The following PTPRM variants were observed in gnomAD, a reference collection of about 807,000 sequenced individuals.
The protein encoded by PTPRM is receptor-type tyrosine-protein phosphatase mu.
Under a neutral mutation model 186.7 loss-of-function variants are expected in PTPRM, and 47 were observed. The observed-to-expected ratio is 0.25, with a 90% CI of 0.20 to 0.32. The LOEUF (loss-of-function observed/expected upper bound fraction) is 0.32, where lower values mean the gene tolerates loss of function less well. PTPRM is among the 10% of genes least tolerant of loss of function. The pLI is 1.00. For synonymous variants in PTPRM, 668 were observed against 674.9 expected (o/e 0.99, Z 0.16); for missense variants, 1,494 against 1,865.0 (o/e 0.80, Z 3.66).
intron 11 of PTPRM, among the ~76,000 whole-genome samples, chr18:8,089,236 A>G (rs1413586057): frequency 6.6e-6 from 1 of 152,002 alleles, no homozygotes; most frequent in Admixed American, 6.6e-5. Context: ...TTGTGTGTTT[A>G]CTTTGGGTTT....
At chr18:8,273,651 C>A (rs912374346) in intron 19 of PTPRM, among the ~76,000 whole-genome samples, 1 of 152,176 alleles carries the variant, frequency 6.6e-6, no homozygotes, top group African/African-American at 2.4e-5. Context: ...CCAGTAAAAA[C>A]ATATTCTCAG....
intron 2 of PTPRM, among the ~76,000 whole-genome samples, chr18:7,843,737 A>G (rs1049580287): frequency 6.6e-6 from 1 of 152,170 alleles, no homozygotes; most frequent in East Asian, 1.9e-4. Context: ...GCATGGCTCA[A>G]AACAACAATC....
intron 1 of PTPRM, among the ~76,000 whole-genome samples, chr18:7,749,607 C>G (rs1372192684): frequency 6.6e-6 from 1 of 152,122 alleles, no homozygotes; most frequent in Non-Finnish European, 1.5e-5. Context: ...TAATTAGAGT[C>G]TGGCCCCATT....
chr18:7,955,904 T>C (rs1465976516), intron 7 of PTPRM, among the ~76,000 whole-genome samples: 2 of 152,176 alleles, frequency 1.3e-5, no homozygotes, highest in Non-Finnish European at 2.9e-5. Flanking sequence ...TTGGGCCTGT[T>C]TGTATCATAA....
chr18:8,271,510 A>C (rs2147628349), intron 19 of PTPRM, among the ~76,000 whole-genome samples: 1 of 152,140 alleles, frequency 6.6e-6, no homozygotes, highest in Admixed American at 6.5e-5. Flanking sequence ...TAGAATTAAA[A>C]TAATATCTGC....
At chr18:8,023,870 A>ACACACACACG (rs71354588) in intron 7 of PTPRM, among the ~76,000 whole-genome samples, 2,338 of 149,332 alleles carry the variant, frequency 0.016, 27 homozygotes, top group Non-Finnish European at 0.019. Context: ...ACACACACAC[A>ACACACACACG]CGCACACCCC....
chr18:8,366,248 G>A (rs1163805031), intron 23 of PTPRM, among the ~76,000 whole-genome samples: 1 of 152,180 alleles, frequency 6.6e-6, no homozygotes, highest in Non-Finnish European at 1.5e-5. Flanking sequence ...TCCACACTGC[G>A]TGAGAGCCAG....
chr18:7,942,554 G>A (rs1015916426), intron 5 of PTPRM, among the ~76,000 whole-genome samples: 2 of 151,984 alleles, frequency 1.3e-5, no homozygotes, highest in African/African-American at 4.8e-5. Flanking sequence ...GAGGATGGAG[G>A]GAGAAGTCAG....
intron 1 of PTPRM, among the ~76,000 whole-genome samples, chr18:7,649,261 G>C (rs1486504768): frequency 6.6e-6 from 1 of 152,174 alleles, no homozygotes; most frequent in African/African-American, 2.4e-5. Flanking sequence ...AATGCACCTG[G>C]TCACACAAGA....
In PTPRM at chr18:7,869,934, G is replaced by A. The variant is rs528843345; in HGVS notation, c.197-18172G>A. ...CTAAGAGCCCCAGTGTCTTCCCTTA[G>A]GCTAGAGATTGGGCCATATGCAAGT... On this transcript the variant is annotated intron_variant, in intron 2 of 32. Transcript: ENST00000580170. 8.5e-5 allele frequency among the ~76,000 whole-genome samples: 13 copies of A among 152,276 alleles called. No homozygotes were observed. In the South Asian group the frequency reaches 2.5e-3, roughly 29 times the overall value.
intron 7 of PTPRM, among the ~76,000 whole-genome samples, chr18:8,017,316 A>G (rs1336828951): frequency 1.3e-5 from 2 of 152,120 alleles, no homozygotes; most frequent in African/African-American, 4.8e-5. Context: ...AGGCAGGCGG[A>G]TCACAAGGTC....
intron 7 of PTPRM, among the ~76,000 whole-genome samples, chr18:7,997,699 A>G (rs1488896982): frequency 2.0e-5 from 3 of 152,182 alleles, no homozygotes; most frequent in African/African-American, 4.8e-5. Context: ...CAAAAATCTG[A>G]TTGAAAAATG....
At chr18:7,737,726 T>C (rs1306769587) in intron 1 of PTPRM, among the ~76,000 whole-genome samples, 1 of 152,210 alleles carries the variant, frequency 6.6e-6, no homozygotes, top group African/African-American at 2.4e-5. Flanking sequence ...TAGCCCTGTC[T>C]TCTGTACCTT....
intron 1 of PTPRM, among the ~76,000 whole-genome samples, chr18:7,637,817 T>G (rs1017764278): frequency 6.6e-6 from 1 of 152,220 alleles, no homozygotes; most frequent in African/African-American, 2.4e-5. Flanking sequence ...CAGAATGCGT[T>G]TACAACTTTT....
intron 13 of PTPRM, among the ~76,000 whole-genome samples, chr18:8,126,027 A>ATATTTATATTT (rs57751538): frequency 1.4e-5 from 1 of 69,538 alleles, no homozygotes; most frequent in African/African-American, 4.7e-5. Flanking sequence ...ATATATATAT[A>ATATTTATATTT]TTTTAAATCA....
intron 18 of PTPRM, 48 bp downstream of exon 18, chr18:8,252,547 G>A (rs746473710): frequency 7.2e-6 from 11 of 1,517,292 alleles, no homozygotes; most frequent in Middle Eastern, 1.7e-4. Flanking sequence ...GGGAGTGGGA[G>A]TGTGTGTCTT....
At position 7,839,362 on chromosome 18, in the gene PTPRM, C is replaced by T. The variant is rs533447423; in HGVS notation, c.197-48744C>T. Among the ~76,000 whole-genome samples, 10 of 152,108 alleles carry T rather than the reference C, an allele frequency of 6.6e-5. No homozygotes were observed. The East Asian group carries it at 1.7e-3, about 27-fold the overall frequency. ...GCCCTTGACATAGCACCTCAGCATC[C>T]CTGCTGGCTATTCAGAACCCTTGGA... On this transcript the variant is annotated intron_variant, in intron 2 of 32. Transcript: ENST00000580170.
chr18:8,279,984 T>C (rs2094883158), intron 19 of PTPRM, among the ~76,000 whole-genome samples: 1 of 152,176 alleles, frequency 6.6e-6, no homozygotes. Context: ...ATGTTGGCAT[T>C]CAGGGTTACA....
intron 14 of PTPRM, among the ~76,000 whole-genome samples, chr18:8,178,585 A>C (rs1601033041): frequency 6.6e-6 from 1 of 152,062 alleles, no homozygotes; most frequent in African/African-American, 2.4e-5. Context: ...GGAGTTTGAG[A>C]CCAGCCTGGC....
Sources: allele counts gnomAD v4.1 joint callset (sites outside exome capture counted in the v4.1 genomes callset), GRCh38; gene constraint gnomAD v4.1.1; transcripts MANE v1.5; gene names NCBI Gene and HGNC (gene_info 2026-07-23, HGNC 2026-07-21).